The following TRIM23 variants were observed in gnomAD, a reference collection of about 807,000 sequenced individuals.
TRIM23 encodes the protein tripartite motif containing 23.
In TRIM23, 27 loss-of-function variants were observed where a neutral mutation model predicts 71.0. The observed-to-expected ratio is 0.38, with a 90% CI of 0.28 to 0.52. The LOEUF (loss-of-function observed/expected upper bound fraction) is 0.52. Among genes scored for constraint, TRIM23 ranks in the 20% least tolerant of loss-of-function variants. TRIM23 has a pLI of 0.84. For synonymous variants in TRIM23, 234 were observed against 238.0 expected (o/e 0.98, Z 0.16); for missense variants, 482 against 692.3 (o/e 0.70, Z 3.41).
intron 7 of TRIM23, among the ~76,000 whole-genome samples, chr5:65,597,624 T>A (rs1426466061): frequency 6.6e-6 from 1 of 152,112 alleles, no homozygotes; most frequent in African/African-American, 2.4e-5. Context: ...AAATTTTTTT[T>A]TAAAAAAGTA....
At chr5:65,613,619 C>A in intron 3 of TRIM23, 1 of 893,092 alleles carries the variant, frequency 1.1e-6, no homozygotes, top group South Asian at 2.6e-5. Flanking sequence ...AAAGACAGTA[C>A]ATCTATACAA....
At chr5:65,599,404 A>C (rs1754302171) in intron 7 of TRIM23, among the ~76,000 whole-genome samples, 1 of 152,248 alleles carries the variant, frequency 6.6e-6, no homozygotes, top group South Asian at 2.1e-4. Flanking sequence ...TAAGATACTT[A>C]GGAATAAACT....
chr5:65,619,968 C>T (rs1452254733), intron 1 of TRIM23, among the ~76,000 whole-genome samples: 2 of 151,992 alleles, frequency 1.3e-5, no homozygotes, highest in African/African-American at 4.8e-5. Flanking sequence ...CCTGTAAGCC[C>T]AGTTTACTCA....
rs1398434704 is a variant in TRIM23 at position 65,609,159 on chromosome 5, T to C, written c.1044+84A>G. On this transcript the variant is annotated intron_variant, in intron 6 of 10. Transcript: ENST00000231524. ...TACTGCATACAGCAGACACAAAATA[T>C]TAATAAAACACACTAATGTATACCT... 2.2e-6 allele frequency: 3 copies of C among 1,384,614 alleles called. No homozygotes were observed. In the South Asian group the frequency reaches 3.8e-5, roughly 18 times the overall value. The allele number at this position is 1,384,614 out of a possible 1,614,324, so 85.8% of individuals were successfully genotyped here.
At chr5:65,608,954 A>C (rs944048426) in intron 6 of TRIM23, among the ~76,000 whole-genome samples, 1 of 152,108 alleles carries the variant, frequency 6.6e-6, no homozygotes, top group Non-Finnish European at 1.5e-5. Context: ...GAAAAAAAAA[A>C]AAAACTACAT....
At chr5:65,601,682 T>TA (rs1357638828) in intron 7 of TRIM23, among the ~76,000 whole-genome samples, 1 of 152,130 alleles carries the variant, frequency 6.6e-6, no homozygotes, top group East Asian at 1.9e-4. Context: ...ACCCTGCCCT[T>TA]ACAGCAAACT....
Position 65,607,970 on chromosome 5 carries a change from A to T in TRIM23, c.1044+1273T>A. On this transcript the variant is annotated intron_variant, in intron 6 of 10. Coordinates refer to ENST00000231524, the MANE Select transcript of TRIM23 (RefSeq NM_001656.4). ...GTGTCATTCAAGGTCAAATCGGAAG[A>T]CACAAATCACACCATTACTTGAATA... 1.3e-5 allele frequency among the ~76,000 whole-genome samples: 2 copies of T among 152,246 alleles called. 1 individual carries two copies. The highest frequency in any genetic ancestry group is 2.9e-5 in the Non-Finnish European group (2 of 68,040).
intron 2 of TRIM23, among the ~76,000 whole-genome samples, chr5:65,617,145 T>C (rs1469628524): frequency 6.6e-6 from 1 of 152,224 alleles, no homozygotes; most frequent in Non-Finnish European, 1.5e-5. Context: ...GTTAATGCTA[T>C]CTATAATGTT....
intron 3 of TRIM23, among the ~76,000 whole-genome samples, chr5:65,613,355 A>ATACGCC (rs1754700076): frequency 6.6e-6 from 1 of 152,226 alleles, no homozygotes; most frequent in Non-Finnish European, 1.5e-5. Flanking sequence ...ATCATCATCT[A>ATACGCC]ATGAAAGAGA....
At chr5:65,593,718 A>G (rs1301289079) in intron 10 of TRIM23, among the ~76,000 whole-genome samples, 1 of 151,810 alleles carries the variant, frequency 6.6e-6, no homozygotes, top group Non-Finnish European at 1.5e-5. Flanking sequence ...ATCTTCAGCT[A>G]CTCCCAGTCC....
chr5:65,592,282 G>A (rs1232462114), intron 10 of TRIM23, among the ~76,000 whole-genome samples: 8 of 152,150 alleles, frequency 5.3e-5, no homozygotes, highest in African/African-American at 9.7e-5. Context: ...CTGGAGTGCA[G>A]TGACATGATC....
chr5:65,598,232 G>A (rs1263620113), intron 7 of TRIM23, among the ~76,000 whole-genome samples: 2 of 152,038 alleles, frequency 1.3e-5, no homozygotes, highest in East Asian at 1.9e-4. Flanking sequence ...ATACACCTCA[G>A]AAATAAAACA....
chr5:65,612,450 G>A (rs1381646511), intron 3 of TRIM23, among the ~76,000 whole-genome samples: 1 of 152,006 alleles, frequency 6.6e-6, no homozygotes, highest in Non-Finnish European at 1.5e-5. Context: ...CTAATTATAC[G>A]CCATGTTATT....
intron 9 of TRIM23, among the ~76,000 whole-genome samples, chr5:65,595,662 GTGACCA>G (rs1754180584): frequency 6.6e-6 from 1 of 151,850 alleles, no homozygotes; most frequent in African/African-American, 2.4e-5. Flanking sequence ...GGAGACAGAG[GTGACCA>G]TGAAATGCAA....
chr5:65,623,225 A>AT lies in TRIM23; in HGVS notation c.81+968_81+969insA, dbSNP rs1344434444. Among the ~76,000 whole-genome samples the AT allele has an allele frequency of 3.3e-5, 5 of 152,346 alleles. No individual in the cohort carries two copies. In the East Asian group the frequency reaches 9.6e-4, roughly 29 times the overall value. ...AACTTCATATATTACCTTGATCAGT[A>AT]ATTCATAACCCTGGTTGCACATTAA... On this transcript the variant is annotated intron_variant, in intron 1 of 10. Transcript: ENST00000231524.
At chr5:65,611,312 T>C (rs1248476510) in intron 4 of TRIM23, among the ~76,000 whole-genome samples, 2 of 152,170 alleles carry the variant, frequency 1.3e-5, no homozygotes, top group African/African-American at 4.8e-5. Context: ...ACATAAATAT[T>C]GTCAAAACAA....
chr5:65,620,583 A>ATT (rs11421078), intron 1 of TRIM23, among the ~76,000 whole-genome samples: 3 of 151,628 alleles, frequency 2.0e-5, no homozygotes, highest in Admixed American at 6.6e-5. Context: ...GAAAGAGCAA[A>ATT]TTTTTTTTGT....
chr5:65,591,620 A>G lies in TRIM23; in HGVS notation c.*149T>C. The G allele has an allele frequency of 8.9e-7, 1 of 1,121,522 alleles. No homozygotes were observed. Among genetic ancestry groups the G allele is most frequent in the East Asian group, 3.3e-5 (1 of 30,188 alleles). 69.5% of individuals were successfully genotyped at this position (1,121,522 alleles called of 1,614,324 possible). A position where few individuals can be genotyped will look rare whatever the true frequency, so the allele number is the denominator to read the frequency against. On this transcript the variant is annotated 3_prime_UTR_variant, in exon 11 of 11. Transcript: ENST00000231524. ...CCACAAAATTTTTTTAAAGCAAAGT[A>G]CTGAATTCCCAATCCAAGATTCCTT...
intron 6 of TRIM23, chr5:65,606,984 A>G (rs73763164): frequency 1.3e-5 from 2 of 152,248 alleles, no homozygotes; most frequent in African/African-American, 4.8e-5. Flanking sequence ...TACATGGCAT[A>G]TGTTAGCTAC....
Sources: gnomAD v4.1 joint callset for allele counts (sites outside exome capture counted in the v4.1 genomes callset) on GRCh38, gnomAD v4.1.1 for gene constraint, MANE v1.5 for transcripts, NCBI Gene and HGNC (gene_info 2026-07-23, HGNC 2026-07-21) for gene names.